The following SUZ12 variants were observed in gnomAD, a reference collection of about 807,000 sequenced individuals.
The protein encoded by SUZ12 is polycomb protein SUZ12.
SUZ12 carries 17 observed loss-of-function variants against 87.3 expected under a neutral mutation model. The ratio of observed to expected loss-of-function variants is 0.19; its 90% CI spans 0.13 to 0.29. The LOEUF (loss-of-function observed/expected upper bound fraction) is 0.29, where lower values mean the gene tolerates loss of function less well. Ranked by LOEUF, SUZ12 falls within the 10% of genes least tolerant of loss-of-function variation. The pLI, the probability that SUZ12 is intolerant of heterozygous loss-of-function variation, is 1.00. For missense variants in SUZ12, 526 were observed against 912.2 expected (o/e 0.58, Z 5.45); for synonymous variants, 253 against 312.4 (o/e 0.81, Z 2.01).
At chr17:31,942,813 T>A (rs1906386858) in intron 3 of SUZ12, among the ~76,000 whole-genome samples, 1 of 152,226 alleles carries the variant, frequency 6.6e-6, no homozygotes, top group Non-Finnish European at 1.5e-5. Flanking sequence ...ATGCAAGTTT[T>A]TTGTCCTAGG....
At chr17:31,953,740 A>T (rs1454681771) in intron 4 of SUZ12, among the ~76,000 whole-genome samples, 2 of 133,664 alleles carry the variant, frequency 1.5e-5, no homozygotes, top group Non-Finnish European at 1.6e-5. Context: ...TTGGAGACTG[A>T]GTCTCGCCCT....
At chr17:31,956,094 T>C (rs1205578910) in intron 4 of SUZ12, among the ~76,000 whole-genome samples, 1 of 151,934 alleles carries the variant, frequency 6.6e-6, no homozygotes, top group Non-Finnish European at 1.5e-5. Flanking sequence ...TTGTATTTTT[T>C]AGTAGAGATG....
intron 10 of SUZ12, among the ~76,000 whole-genome samples, chr17:31,992,612 G>A (rs990561962): frequency 1.3e-5 from 2 of 151,776 alleles, no homozygotes; most frequent in African/African-American, 4.8e-5. Flanking sequence ...GGGTTTCACT[G>A]TGTTAGCCAG....
chr17:31,974,949 T>C (rs887059087), intron 6 of SUZ12, among the ~76,000 whole-genome samples: 9 of 152,194 alleles, frequency 5.9e-5, no homozygotes, highest in Admixed American at 5.9e-4. Flanking sequence ...TTTTTAAGGA[T>C]GATGATTCTT....
chr17:31,966,374 A>C, intron 5 of SUZ12, 178 bp downstream of exon 5: 1 of 609,776 alleles, frequency 1.6e-6, no homozygotes, highest in East Asian at 3.0e-5. Context: ...TTTTTGGTGG[A>C]TGGGGGTGCA....
At chr17:31,989,937 A>G (rs562825586) in intron 10 of SUZ12, among the ~76,000 whole-genome samples, 61 of 149,384 alleles carry the variant, frequency 4.1e-4, no homozygotes, top group African/African-American at 1.4e-3. Context: ...TAACTCACAT[A>G]TAAGTTTTTC....
At chr17:31,958,684 A>G (rs1907516534) in intron 4 of SUZ12, among the ~76,000 whole-genome samples, 1 of 152,194 alleles carries the variant, frequency 6.6e-6, no homozygotes, top group Non-Finnish European at 1.5e-5. Flanking sequence ...CATCTCTAGT[A>G]AAAATACAAA....
chr17:31,982,292 TA>T (rs1909156967), intron 8 of SUZ12, among the ~76,000 whole-genome samples: 1 of 152,094 alleles, frequency 6.6e-6, no homozygotes. Flanking sequence ...ACAATTACAG[TA>T]GTTAAAGGTA....
chr17:31,984,032 C>T (rs1909270140), intron 9 of SUZ12, among the ~76,000 whole-genome samples: 1 of 151,992 alleles, frequency 6.6e-6, no homozygotes, highest in African/African-American at 2.4e-5. Flanking sequence ...AAAATTAGTT[C>T]CAAGTCAATC....
intron 10 of SUZ12, among the ~76,000 whole-genome samples, chr17:31,991,736 C>G (rs922148888): frequency 2.6e-5 from 4 of 151,878 alleles, no homozygotes; most frequent in Non-Finnish European, 5.9e-5. Flanking sequence ...TCCCAAGTAG[C>G]TGGGACTACA....
intron 3 of SUZ12, among the ~76,000 whole-genome samples, chr17:31,943,034 C>G (rs1413727429): frequency 6.6e-6 from 1 of 152,252 alleles, no homozygotes; most frequent in African/African-American, 2.4e-5. Flanking sequence ...TTGTGTAAAT[C>G]TTGTATTTTG....
chr17:31,972,024 C>T (rs1419269828), intron 5 of SUZ12, among the ~76,000 whole-genome samples: 1 of 151,958 alleles, frequency 6.6e-6, no homozygotes, highest in Non-Finnish European at 1.5e-5. Flanking sequence ...TGGCTCACAC[C>T]TGTAATCCCA....
intron 15 of SUZ12, 38 bp downstream of exon 15, chr17:31,996,915 T>C (rs1225254628): frequency 2.5e-6 from 3 of 1,215,254 alleles, no homozygotes; most frequent in Admixed American, 3.3e-5. Context: ...ATTTTATTAT[T>C]CTTTATGGTC....
At chr17:31,969,376 C>T (rs546938674) in intron 5 of SUZ12, among the ~76,000 whole-genome samples, 25 of 152,106 alleles carry the variant, frequency 1.6e-4, no homozygotes, top group Non-Finnish European at 2.2e-4. Context: ...CTTGAACTCC[C>T]GATCTCAGGT....
At chr17:31,970,803 C>CA (rs56038616) in intron 5 of SUZ12, among the ~76,000 whole-genome samples, 1,415 of 138,020 alleles carry the variant, frequency 0.01, 16 homozygotes, top group African/African-American at 0.034. Context: ...CTCTCTCTCT[C>CA]AAAAAAAAAA....
chr17:31,975,056 T>A (rs747511793), intron 6 of SUZ12, among the ~76,000 whole-genome samples: 26 of 152,188 alleles, frequency 1.7e-4, no homozygotes, highest in Non-Finnish European at 3.1e-4. Context: ...TTTCTAATGG[T>A]CCTATTAGTC....
At chr17:31,996,135 A>C (rs1440593599) in intron 14 of SUZ12, among the ~76,000 whole-genome samples, 1 of 152,134 alleles carries the variant, frequency 6.6e-6, no homozygotes, top group Non-Finnish European at 1.5e-5. Flanking sequence ...GCTTAACCCC[A>C]GGAGATGGAG....
chr17:31,953,838 C>T (rs758243892), intron 4 of SUZ12, among the ~76,000 whole-genome samples: 28 of 150,332 alleles, frequency 1.9e-4, no homozygotes, highest in South Asian at 2.1e-4. Flanking sequence ...CTTGGCCTCC[C>T]GAGTAGCTGG....
chr17:31,994,804 T>C (rs923423295), intron 13 of SUZ12, 83 bp downstream of exon 13: 36 of 1,444,932 alleles, frequency 2.5e-5, no homozygotes, highest in Middle Eastern at 3.8e-4. Flanking sequence ...ATGAAGCTAC[T>C]AGTTCGTTAG....
Sources: allele counts gnomAD v4.1 joint callset (sites outside exome capture counted in the v4.1 genomes callset), GRCh38; gene constraint gnomAD v4.1.1; transcripts MANE v1.5; gene names NCBI Gene and HGNC (gene_info 2026-07-23, HGNC 2026-07-21).